The following TNRC18 variants were observed in gnomAD, a reference collection of about 807,000 sequenced individuals.
The protein encoded by TNRC18 is trinucleotide repeat-containing gene 18 protein.
TNRC18 carries 69 observed loss-of-function variants against 226.7 expected under a neutral mutation model. The observed-to-expected ratio is 0.30, with a 90% confidence interval of 0.25 to 0.37. The LOEUF (loss-of-function observed/expected upper bound fraction) is 0.37, where lower values mean the gene tolerates loss of function less well. Among genes scored for constraint, TNRC18 ranks in the 10% least tolerant of loss-of-function variants. The pLI, the probability that TNRC18 is intolerant of heterozygous loss-of-function variation, is 1.00. For synonymous variants in TNRC18, 2,449 were observed against 1,927.6 expected, an observed-to-expected ratio of 1.27 and a Z score of -7.09; for missense variants, 4,754 against 4,256.6, an observed-to-expected ratio of 1.12 and a Z score of -3.25.
At position 5,324,761 on chromosome 7, in the gene TNRC18, C is replaced by A. The variant is rs543657263; in HGVS notation, c.6300+335G>T. On this transcript the variant is annotated intron_variant, in intron 20 of 29. Coordinates refer to ENST00000430969, the MANE Select transcript of TNRC18 (RefSeq NM_001080495.3). This position sits in a 1 kb window ranked among gnomAD's most constrained non-coding sequence, Gnocchi z 4.8. ...CTAGCAGGTGTGGGGAGTGGACATG[C>A]CATCATCTGCCACTCGGGCAGATTC... 6.6e-6 allele frequency among the ~76,000 whole-genome samples: 1 copy of A among 152,256 alleles called. No homozygotes were observed. The highest frequency in any genetic ancestry group is 1.9e-4 in the East Asian group (1 of 5,170).
At chr7:5,384,121 C>T (rs889980168) in intron 5 of TNRC18, among the ~76,000 whole-genome samples, 1 of 152,128 alleles carries the variant, frequency 6.6e-6, no homozygotes, top group South Asian at 2.1e-4. Context: ...TGTGCCACCA[C>T]ACTTGGCTAA....
At chr7:5,345,517 G>GCCACCCCCCCCCCC in intron 18 of TNRC18, 45 bp downstream of exon 18, 6 of 377,744 alleles carry the variant, frequency 1.6e-5, no homozygotes, top group South Asian at 4.4e-5. Context: ...AATGGCGTCC[G>GCCACCCCCCCCCCC]CCCCTCCCAC....
At chr7:5,369,557 G>A (rs1048577876) in intron 11 of TNRC18, among the ~76,000 whole-genome samples, 1 of 152,178 alleles carries the variant, frequency 6.6e-6, no homozygotes, top group East Asian at 1.9e-4. Flanking sequence ...AGAGAGAAAA[G>A]TCGAACAGCA....
At chr7:5,325,289 G>C in intron 19 of TNRC18, 41 bp from the exon 20 acceptor site, 1 of 1,537,580 alleles carries the variant, frequency 6.5e-7, no homozygotes, top group Non-Finnish European at 8.7e-7. Context: ...CAAACGGCAG[G>C]GAAAGCACAG....
At chr7:5,351,686 C>A (rs1791829400) in intron 17 of TNRC18, 133 bp downstream of exon 17, 2 of 994,848 alleles carry the variant, frequency 2.0e-6, no homozygotes, top group Non-Finnish European at 2.9e-6. Context: ...AGATGGCAGC[C>A]TTCTTGCGGC....
intron 2 of TNRC18, among the ~76,000 whole-genome samples, chr7:5,419,194 C>T (rs1782381554): frequency 6.6e-6 from 1 of 152,284 alleles, no homozygotes; most frequent in Non-Finnish European, 1.5e-5. Context: ...ATTAGGCCGT[C>T]TGACTGCTGC....
At position 5,326,720 on chromosome 7, in the gene TNRC18, T is replaced by A. The variant is rs1788946452; in HGVS notation, c.6148-1472A>T. On this transcript the variant is annotated intron_variant, in intron 19 of 29. Transcript: ENST00000430969. ...TACTCGGGTGGCTGAGGCAGAATCA[T>A]CACTTGCACCCGGTAGGCGGAGGTT... Among the ~76,000 whole-genome samples, 8 of 151,234 alleles carry A rather than the reference T, an allele frequency of 5.3e-5. No homozygotes were observed. In the South Asian group the frequency reaches 1.7e-3, roughly 31 times the overall value.
rs1311504317 is a variant in TNRC18, at chr7:5,421,354, G to A, written c.-108C>T. 7 of 1,067,946 alleles carry A rather than the reference G, an allele frequency of 6.6e-6. No homozygotes were observed. Among genetic ancestry groups the A allele is most frequent in the Admixed American group, 8.9e-5 (2 of 22,448 alleles). The allele number at this position is 1,067,946 out of a possible 1,614,324, so 66.2% of individuals were successfully genotyped here. On this transcript the variant is annotated 5_prime_UTR_variant, in exon 2 of 30. Coordinates refer to ENST00000430969, the MANE Select transcript of TNRC18 (RefSeq NM_001080495.3). ...GTCCCAGAGTCCTCGGGCGGCGGGG[G>A]CTCCGCGGCGTGCATGGCGGCGGCC...
In TNRC18 at chr7:5,326,052, A is replaced by G. The variant is rs1788884789; in HGVS notation, c.6148-804T>C. Among the ~76,000 whole-genome samples the G allele has an allele frequency of 3.3e-5, 5 of 152,080 alleles. No homozygotes were observed. In the South Asian group the frequency reaches 1.0e-3, roughly 32 times the overall value. Reference sequence around the variant, plus strand: ...TATTATCTTATTACTAGTATATATTACTTGTTGCCCCGTCTGCCCAAAAAA... The same window carrying G: ...TATTATCTTATTACTAGTATATATTGCTTGTTGCCCCGTCTGCCCAAAAAA... On this transcript the variant is annotated intron_variant, in intron 19 of 29. Coordinates refer to ENST00000430969, the MANE Select transcript of TNRC18 (RefSeq NM_001080495.3).
chr7:5,364,459 GA>G (rs145992968), intron 11 of TNRC18, among the ~76,000 whole-genome samples: 588 of 54,812 alleles, frequency 0.011, 18 homozygotes, highest in African/African-American at 0.014. Flanking sequence ...CTGTCTCAAA[GA>G]AAACACACAC....
intron 2 of TNRC18, among the ~76,000 whole-genome samples, chr7:5,408,208 G>A (rs956789141): frequency 6.6e-5 from 10 of 151,352 alleles, no homozygotes; most frequent in Admixed American, 1.3e-4. Context: ...CTGAGGCAGG[G>A]GAATCTCTTG....
At chr7:5,407,435 G>C (rs1267410814) in intron 2 of TNRC18, 2 of 152,114 alleles carry the variant, frequency 1.3e-5, no homozygotes, top group African/African-American at 4.8e-5. Flanking sequence ...TACACCTCCA[G>C]CCTCCGCTCC....
intron 19 of TNRC18, among the ~76,000 whole-genome samples, chr7:5,326,289 T>G (rs1369174047): frequency 6.6e-6 from 1 of 152,150 alleles, no homozygotes; most frequent in Non-Finnish European, 1.5e-5. Context: ...CAGTCCTGCT[T>G]TGCAACGTTT....
chr7:5,373,958 A>C, intron 10 of TNRC18, 97 bp downstream of exon 10: 1 of 996,776 alleles, frequency 1.0e-6, no homozygotes, highest in East Asian at 3.2e-5. Flanking sequence ...TGGAGGTGGA[A>C]TGAACGAACG....
chr7:5,358,427 A>T (rs543046715), intron 15 of TNRC18, among the ~76,000 whole-genome samples: 3 of 152,344 alleles, frequency 2.0e-5, no homozygotes, highest in African/African-American at 7.2e-5. Flanking sequence ...CCACAATTTG[A>T]AAGTAAAAAC....
In TNRC18 at chr7:5,377,042, G is replaced by C; in HGVS notation, c.2462-49C>G. 1 of 1,540,096 alleles carries C rather than the reference G, an allele frequency of 6.5e-7. No individual in the cohort carries two copies. The highest frequency in any genetic ancestry group is 2.4e-5 in the East Asian group (1 of 41,046). The stretch of plus-strand genomic sequence containing the variant: ...AGTCAGTGCTGGGAGCCCCCAAGCG[G>C]TTTGTCCTCGGGCAGCCCCAGCCCA... On this transcript the variant is annotated intron_variant, in intron 7 of 29. Transcript: ENST00000430969. This position sits in a 1 kb window ranked among gnomAD's most constrained non-coding sequence, Gnocchi z 5.8.
chr7:5,332,757 C>G lies in TNRC18; in HGVS notation c.6012G>C (p.Leu2004=), dbSNP rs529920646. The G allele has an allele frequency of 1.9e-4, 282 of 1,519,826 alleles. 3 individuals carry two copies. In the South Asian group the frequency reaches 2.8e-3, roughly 15 times the overall value. 94.1% of individuals were successfully genotyped at this position (1,519,826 alleles called of 1,614,324 possible). ...CAGGTGCAGCAGCCGAGGCGTCGTG[C>G]AGGAAGATGCGCTCGCTGCGGCGCC... The part of the protein sequence containing the change: ...WTRRRSERIF[L]HDASAAAPAP... Residue 2004 remains leucine, a synonymous_variant, in exon 19 of 30, where the codon CTG becomes CTC. Transcript: ENST00000430969.
chr7:5,376,382 G>C (rs1794680727), intron 8 of TNRC18, among the ~76,000 whole-genome samples, 158 bp from the exon 9 acceptor site: 3 of 152,206 alleles, frequency 2.0e-5, no homozygotes. Context: ...CAGGAAGTTT[G>C]TCCTGTCCTC....
In TNRC18 at chr7:5,398,812, T is replaced by TG. The variant is rs200904958; in HGVS notation, c.188-4218dup. Among the ~76,000 whole-genome samples the TG allele has an allele frequency of 6.1e-3, 926 of 151,086 alleles. 3 individuals carry two copies. Among genetic ancestry groups the TG allele is most frequent in the Non-Finnish European group, 7.9e-3 (538 of 67,836 alleles). ...TTTTTCTTTCTCTTTTTTGTAGAGATGGGGTCTTACTATGTTGCCCAGGCT... is the reference window on the plus strand; with the variant it reads ...TTTTTCTTTCTCTTTTTTGTAGAGATGGGGGTCTTACTATGTTGCCCAGGCT... On this transcript the variant is annotated intron_variant, in intron 2 of 29. Coordinates refer to ENST00000430969, the MANE Select transcript of TNRC18 (RefSeq NM_001080495.3).
Sources: gnomAD v4.1 joint callset for allele counts (sites outside exome capture counted in the v4.1 genomes callset) on GRCh38, gnomAD v4.1.1 for gene constraint, Gnocchi (gnomAD v3.1) non-coding constraint, MANE v1.5 for transcripts, NCBI Gene and HGNC (gene_info 2026-07-23, HGNC 2026-07-21) for gene names.